Variants in ASIC2 observed in about 807,000 individuals in gnomAD.
The protein encoded by ASIC2 is acid-sensing ion channel 2.
In ASIC2, 25 loss-of-function variants were observed where a neutral mutation model predicts 57.3. That is an observed-to-expected ratio of 0.44 (90% CI 0.32 to 0.61). The LOEUF (loss-of-function observed/expected upper bound fraction) is 0.61, where lower values mean the gene tolerates loss of function less well. ASIC2 is among the 20% of genes least tolerant of loss of function. The pLI is 0.06. For synonymous variants in ASIC2, 319 were observed against 307.5 expected (o/e 1.04, Z -0.39); for missense variants, 641 against 738.1 (o/e 0.87, Z 1.52).
intron 1 of ASIC2, among the ~76,000 whole-genome samples, chr17:33,925,243 C>G (rs1197503928): frequency 1.3e-5 from 2 of 152,212 alleles, no homozygotes; most frequent in East Asian, 3.9e-4. Context: ...GGTCATATCT[C>G]CATACCAACT....
At chr17:33,897,046 G>C (rs867422562) in intron 1 of ASIC2, among the ~76,000 whole-genome samples, 1 of 152,140 alleles carries the variant, frequency 6.6e-6, no homozygotes, top group African/African-American at 2.4e-5. Context: ...TTTTACTAAA[G>C]CTCCCCAAAA....
chr17:33,802,584 C>T (rs1237772530), intron 1 of ASIC2, among the ~76,000 whole-genome samples: 1 of 152,184 alleles, frequency 6.6e-6, no homozygotes, highest in Admixed American at 6.5e-5. Context: ...GAACCTGCTC[C>T]AACAACAGAA....
intron 1 of ASIC2, among the ~76,000 whole-genome samples, chr17:33,797,726 T>C (rs1018490758): frequency 1.2e-4 from 19 of 152,238 alleles, no homozygotes; most frequent in African/African-American, 3.4e-4. Flanking sequence ...CCTGGTTCTA[T>C]TTGTCTGCAG....
intron 1 of ASIC2, among the ~76,000 whole-genome samples, chr17:34,132,366 G>C (rs550713644): frequency 1.3e-5 from 2 of 152,188 alleles, no homozygotes; most frequent in African/African-American, 4.8e-5. Context: ...CAGCGTGGAA[G>C]GACAGGTAGA....
chr17:33,848,430 C>G (rs1169545234), intron 1 of ASIC2, among the ~76,000 whole-genome samples: 2 of 152,114 alleles, frequency 1.3e-5, no homozygotes, highest in African/African-American at 4.8e-5. Context: ...TGCTCCTGCT[C>G]CCTTGTGAAT....
chr17:33,373,287 A>G (rs1567839721), intron 1 of ASIC2, among the ~76,000 whole-genome samples: 1 of 152,364 alleles, frequency 6.6e-6, no homozygotes, highest in South Asian at 2.1e-4. Flanking sequence ...AAATTATGAC[A>G]GTAAGAGAAA....
At chr17:33,321,108 T>C (rs1285527550) in intron 1 of ASIC2, among the ~76,000 whole-genome samples, 1 of 152,244 alleles carries the variant, frequency 6.6e-6, no homozygotes, top group Admixed American at 6.5e-5. Flanking sequence ...AGAATGGTTA[T>C]GTCACAGGGT....
chr17:33,497,560 A>G (rs1913975376), intron 1 of ASIC2, among the ~76,000 whole-genome samples: 1 of 152,184 alleles, frequency 6.6e-6, no homozygotes, highest in East Asian at 1.9e-4. Flanking sequence ...CAGTGGAAAG[A>G]ATGCAGAGAA....
In ASIC2 at chr17:33,989,090, C is replaced by T. The variant is rs150907896; in HGVS notation, c.555+166888G>A. ...CAGAAACTGACTCTGGGGAACCCAA[C>T]CTAAAACAGAACCCACATCTGTCTG... On this transcript the variant is annotated intron_variant, in intron 1 of 9. Transcript: ENST00000359872. Among the ~76,000 whole-genome samples the T allele has an allele frequency of 3.3e-4, 50 of 152,210 alleles. No homozygotes were observed. The East Asian group carries it at 6.8e-3, about 21-fold the overall frequency.
chr17:33,190,537 A>G (rs8082293), intron 1 of ASIC2, among the ~76,000 whole-genome samples: 42,190 of 152,044 alleles, frequency 0.28, 8,573 homozygotes, highest in African/African-American at 0.56. Context: ...TTGACAAGCT[A>G]CTACTAAAAA....
At chr17:33,834,995 A>G (rs1007746) in intron 1 of ASIC2, among the ~76,000 whole-genome samples, 1 of 152,036 alleles carries the variant, frequency 6.6e-6, no homozygotes, top group South Asian at 2.1e-4. Flanking sequence ...CATATTTTCA[A>G]TAAATATTTA....
intron 1 of ASIC2, among the ~76,000 whole-genome samples, chr17:33,390,044 G>A (rs1316161463): frequency 1.3e-5 from 2 of 152,056 alleles, no homozygotes; most frequent in Non-Finnish European, 2.9e-5. Flanking sequence ...TGGGCGTGGT[G>A]GTTCACGTCT....
chr17:33,795,170 GTGCAATGCTC>G (rs1911880898), intron 1 of ASIC2, among the ~76,000 whole-genome samples: 1 of 152,196 alleles, frequency 6.6e-6, no homozygotes, highest in Admixed American at 6.5e-5. Context: ...TGAATGGTTT[GTGCAATGCTC>G]AGATGTTCCT....
chr17:33,790,615 C>T (rs1477960842), intron 1 of ASIC2, among the ~76,000 whole-genome samples: 1 of 152,108 alleles, frequency 6.6e-6, no homozygotes, highest in Non-Finnish European at 1.5e-5. Context: ...GACTCCAGCC[C>T]TACAGACTTT....
intron 1 of ASIC2, among the ~76,000 whole-genome samples, chr17:33,872,325 G>A (rs1271138080): frequency 6.6e-6 from 1 of 152,126 alleles, no homozygotes; most frequent in Non-Finnish European, 1.5e-5. Flanking sequence ...TGAACCAAGT[G>A]TCAGTCTGAG....
chr17:33,082,122 T>A (rs561862797), intron 3 of ASIC2, among the ~76,000 whole-genome samples: 1 of 152,138 alleles, frequency 6.6e-6, no homozygotes, highest in East Asian at 1.9e-4. Flanking sequence ...CAGTGGGAAG[T>A]CTCTGGGAAG....
intron 1 of ASIC2, among the ~76,000 whole-genome samples, chr17:33,867,791 C>T (rs1914281677): frequency 6.6e-6 from 1 of 152,160 alleles, no homozygotes; most frequent in South Asian, 2.1e-4. Context: ...TTTCTGGGAT[C>T]ATGTCTATAT....
intron 5 of ASIC2, among the ~76,000 whole-genome samples, chr17:33,024,853 G>C (rs2091852437): frequency 6.6e-6 from 1 of 152,198 alleles, no homozygotes; most frequent in Non-Finnish European, 1.5e-5. Flanking sequence ...ATCTCCAGCT[G>C]TCTTGGCTGA....
chr17:33,651,001 G>T lies in ASIC2; in HGVS notation c.555+504977C>A, dbSNP rs551600423. Among the ~76,000 whole-genome samples, 152 of 152,294 alleles carry T rather than the reference G, an allele frequency of 1.0e-3. 1 individual carries two copies. The highest frequency in any genetic ancestry group is 3.6e-3 in the African/African-American group (150 of 41,554). ...GGTGAACTAGGTAAAAGGCATACAG[G>T]ATCTCTCTGCATTATCTCTTATTAT... is the stretch of plus-strand genomic sequence containing the variant. On this transcript the variant is annotated intron_variant, in intron 1 of 9. Coordinates refer to the ASIC2 transcript ENST00000359872.
Sources: gnomAD v4.1 joint callset for allele counts (sites outside exome capture counted in the v4.1 genomes callset) on GRCh38, gnomAD v4.1.1 for gene constraint, MANE v1.5 for transcripts, NCBI Gene and HGNC (gene_info 2026-07-23, HGNC 2026-07-21) for gene names.